The following JARID2 variants were observed in gnomAD, a reference collection of about 807,000 sequenced individuals.
JARID2 encodes protein Jumonji.
Under a neutral mutation model 125.6 loss-of-function variants are expected in JARID2, and 21 were observed. The observed-to-expected ratio is 0.17, with a 90% CI of 0.12 to 0.24. The LOEUF is 0.24. Ranked by LOEUF, JARID2 falls within the 10% of genes least tolerant of loss-of-function variation. The probability of loss-of-function intolerance (pLI) is 1.00; values close to 1 mark genes in which losing one functional copy is unlikely to be tolerated. For synonymous variants in JARID2, 736 were observed against 661.6 expected, an observed-to-expected ratio of 1.11 and a Z score of -1.73; for missense variants, 1,303 against 1,639.6, an observed-to-expected ratio of 0.79 and a Z score of 3.55.
At position 15,521,663 on chromosome 6, in the gene JARID2, A is replaced by G. The variant is rs1424007196; in HGVS notation, c.*1412A>G. ...TGTTCTTTGTTTCATAATTGGATTC[A>G]TCAATCCCGTAGCTACCCATATTGC... is the stretch of plus-strand genomic sequence containing the variant. On this transcript the variant is annotated 3_prime_UTR_variant, in exon 18 of 18. Coordinates refer to ENST00000341776, the MANE Select transcript of JARID2 (RefSeq NM_004973.4). 3 of 152,242 alleles carry G rather than the reference A, an allele frequency of 2.0e-5. No homozygotes were observed. The highest frequency in any genetic ancestry group is 4.4e-5 in the Non-Finnish European group (3 of 68,038). The allele number at this position is 152,242 out of a possible 1,614,324, so 9.4% of individuals were successfully genotyped here. A position where few individuals can be genotyped will look rare whatever the true frequency, so the allele number is the denominator to read the frequency against.
At chr6:15,323,159 T>C (rs1762414607) in intron 1 of JARID2, among the ~76,000 whole-genome samples, 1 of 152,278 alleles carries the variant, frequency 6.6e-6, no homozygotes, top group Admixed American at 6.5e-5. Flanking sequence ...CTCTTAGCTC[T>C]GTGTGGGTGG....
At position 15,496,687 on chromosome 6, in the gene JARID2, G is replaced by A. The variant is rs1345467460; in HGVS notation, c.1462G>A (p.Glu488Lys). 1 of 1,613,154 alleles carries A rather than the reference G, an allele frequency of 6.2e-7. No homozygotes were observed. Among genetic ancestry groups the A allele is most frequent in the East Asian group, 2.2e-5 (1 of 44,880 alleles). The change falls in exon 7 of 18, where the codon GAA becomes AAA. Residue 488 changes from glutamate (E) to lysine (K), a missense_variant. Glu to Lys is a moderately conservative substitution (Grantham distance 56). Coordinates refer to ENST00000341776, the MANE Select transcript of JARID2 (RefSeq NM_004973.4). ...RGLLNGHVKK[E>K]VPERSLERNR... ...TCTGCTGAACGGACACGTGAAGAAG[G>A]AAGTGCCGGAGCGCAGTCTGGAGAG...
chr6:15,285,268 G>A (rs537924228), intron 1 of JARID2, among the ~76,000 whole-genome samples: 13 of 151,800 alleles, frequency 8.6e-5, no homozygotes, highest in Non-Finnish European at 1.5e-4. Flanking sequence ...CTGCCACCAC[G>A]CCCAGCTAAT....
intron 1 of JARID2, among the ~76,000 whole-genome samples, chr6:15,322,368 T>A (rs1038347154): frequency 2.0e-5 from 3 of 152,222 alleles, no homozygotes; most frequent in Non-Finnish European, 4.4e-5. Flanking sequence ...ATATTCACTA[T>A]TATCACTCTC....
chr6:15,503,488 A>T (rs1174975321), intron 8 of JARID2, among the ~76,000 whole-genome samples: 2 of 151,984 alleles, frequency 1.3e-5, no homozygotes, highest in African/African-American at 4.8e-5. Flanking sequence ...TTCTAGGGGG[A>T]CGCTGCGGTG....
chr6:15,385,852 CCCAGATGT>C lies in JARID2; in HGVS notation c.181+11602_181+11609del, dbSNP rs1334009958. 5.3e-5 allele frequency among the ~76,000 whole-genome samples: 8 copies of C among 152,172 alleles called. No individual in the cohort carries two copies. The East Asian group carries it at 1.5e-3, about 29-fold the overall frequency. The stretch of plus-strand genomic sequence containing the variant: ...TGCTCACACCGTGACACCCTAGGCC[CCCAGATGT>C]CAGCTCATCTTATTTTCCCCATTGC... On this transcript the variant is annotated intron_variant, in intron 2 of 17. Transcript: ENST00000341776.
At chr6:15,285,456 C>T (rs963658800) in intron 1 of JARID2, among the ~76,000 whole-genome samples, 19 of 151,970 alleles carry the variant, frequency 1.3e-4, no homozygotes, top group African/African-American at 4.6e-4. Flanking sequence ...TTTCATTATG[C>T]AATTAATTAC....
At chr6:15,277,845 C>T (rs1171911815) in intron 1 of JARID2, among the ~76,000 whole-genome samples, 1 of 148,110 alleles carries the variant, frequency 6.8e-6, no homozygotes, top group South Asian at 2.1e-4. Context: ...AGAAAGTTGG[C>T]AAAGAAAGAT....
chr6:15,375,410 G>A (rs1411925382), intron 2 of JARID2, among the ~76,000 whole-genome samples: 1 of 152,186 alleles, frequency 6.6e-6, no homozygotes, highest in Non-Finnish European at 1.5e-5. Context: ...GGCCATAGTG[G>A]CTCAGTCATG....
chr6:15,464,285 G>T (rs1768601979), intron 4 of JARID2, among the ~76,000 whole-genome samples: 1 of 152,208 alleles, frequency 6.6e-6, no homozygotes, highest in African/African-American at 2.4e-5. Context: ...TTCTTAGAGG[G>T]ATTTACAGCA....
At chr6:15,394,274 C>T (rs999079356) in intron 2 of JARID2, among the ~76,000 whole-genome samples, 1 of 152,122 alleles carries the variant, frequency 6.6e-6, no homozygotes, top group Non-Finnish European at 1.5e-5. Flanking sequence ...TGAGACACAG[C>T]TTACTCTTTG....
At chr6:15,423,765 C>T (rs1369720106) in intron 3 of JARID2, among the ~76,000 whole-genome samples, 1 of 152,194 alleles carries the variant, frequency 6.6e-6, no homozygotes, top group Non-Finnish European at 1.5e-5. Flanking sequence ...CTCATCTCCA[C>T]TCCTTGCTGG....
In JARID2 at chr6:15,403,742, G is replaced by A. The variant is rs1414288199; in HGVS notation, c.182-6482G>A. Among the ~76,000 whole-genome samples the A allele has an allele frequency of 6.8e-5, 10 of 148,086 alleles. No individual in the cohort carries two copies. The East Asian group carries it at 1.2e-3, about 18-fold the overall frequency. The stretch of plus-strand genomic sequence containing the variant: ...ATTGTTGAAGGTGTGTCGTGGGGGC[G>A]GATTCTGGTGGTGGTGAGAGAGCTC... On this transcript the variant is annotated intron_variant, in intron 2 of 17. Coordinates refer to ENST00000341776, the MANE Select transcript of JARID2 (RefSeq NM_004973.4).
chr6:15,324,168 G>A (rs1233918124), intron 1 of JARID2, among the ~76,000 whole-genome samples: 1 of 148,114 alleles, frequency 6.8e-6, no homozygotes, highest in Admixed American at 6.8e-5. Flanking sequence ...GACAGAGCTA[G>A]ACTCTGTCTC....
At chr6:15,440,453 G>A (rs1480834828) in intron 3 of JARID2, among the ~76,000 whole-genome samples, 1 of 152,170 alleles carries the variant, frequency 6.6e-6, no homozygotes, top group Non-Finnish European at 1.5e-5. Context: ...CCTTTGGTTT[G>A]ATTCAGTGAT....
intron 4 of JARID2, among the ~76,000 whole-genome samples, chr6:15,457,155 C>T (rs1464748280): frequency 6.6e-6 from 1 of 152,116 alleles, no homozygotes; most frequent in East Asian, 1.9e-4. Flanking sequence ...AAATGCCTGT[C>T]ATTTCATTTT....
At chr6:15,310,318 A>C (rs1436366493) in intron 1 of JARID2, among the ~76,000 whole-genome samples, 1 of 152,232 alleles carries the variant, frequency 6.6e-6, no homozygotes, top group Non-Finnish European at 1.5e-5. Flanking sequence ...TCTTTGTGGA[A>C]TGAAATTAAG....
At chr6:15,289,925 C>T (rs143401095) in intron 1 of JARID2, among the ~76,000 whole-genome samples, 1 of 152,156 alleles carries the variant, frequency 6.6e-6, no homozygotes, top group South Asian at 2.1e-4. Context: ...GTGGAATGTA[C>T]AAGTCACTAA....
chr6:15,254,598 G>A (rs1417568440), intron 1 of JARID2, among the ~76,000 whole-genome samples: 1 of 152,154 alleles, frequency 6.6e-6, no homozygotes, highest in East Asian at 1.9e-4. Context: ...TTGAGAGCTG[G>A]TGCTGCCTAA....
Sources: gnomAD v4.1 joint callset for allele counts (sites outside exome capture counted in the v4.1 genomes callset) on GRCh38, gnomAD v4.1.1 for gene constraint, MANE v1.5 for transcripts, NCBI Gene and HGNC (gene_info 2026-07-23, HGNC 2026-07-21) for gene names.